The following PRKG1 variants were observed in gnomAD, a reference collection of about 807,000 sequenced individuals.
PRKG1 encodes cGMP-dependent protein kinase 1.
In PRKG1, 35 loss-of-function variants were observed where a neutral mutation model predicts 88.1. The observed-to-expected ratio is 0.40, with a 90% CI of 0.30 to 0.53. The LOEUF (loss-of-function observed/expected upper bound fraction) is 0.53. Ranked by LOEUF, PRKG1 falls within the 20% of genes least tolerant of loss-of-function variation. The pLI, the probability that PRKG1 is intolerant of heterozygous loss-of-function variation, is 0.59. For synonymous variants in PRKG1, 303 were observed against 292.5 expected, an observed-to-expected ratio of 1.04 and a Z score of -0.37; for missense variants, 540 against 839.8, an observed-to-expected ratio of 0.64 and a Z score of 4.41.
intron 3 of PRKG1, among the ~76,000 whole-genome samples, chr10:51,482,204 C>T (rs1477764734): frequency 2.0e-5 from 3 of 152,156 alleles, no homozygotes; most frequent in African/African-American, 7.2e-5. Flanking sequence ...GGACTTTAAA[C>T]TCAAGTATGA....
chr10:52,015,349 A>T (rs1193126721), intron 5 of PRKG1, among the ~76,000 whole-genome samples: 1 of 152,204 alleles, frequency 6.6e-6, no homozygotes, highest in African/African-American at 2.4e-5. Flanking sequence ...TGAGCTGTAA[A>T]TTGGCCCCTT....
At chr10:51,488,539 C>T (rs1428211331) in intron 3 of PRKG1, among the ~76,000 whole-genome samples, 1 of 152,102 alleles carries the variant, frequency 6.6e-6, no homozygotes, top group African/African-American at 2.4e-5. Flanking sequence ...CCGTAGTAGA[C>T]TTTGACATCT....
intron 5 of PRKG1, chr10:51,909,735 C>T (rs891913703): frequency 6.6e-6 from 1 of 152,160 alleles, no homozygotes; most frequent in Non-Finnish European, 1.5e-5. Context: ...GGAGGAAAAT[C>T]AGGAGCTTTT....
chr10:52,293,401 G>T (rs1842308873), intron 17 of PRKG1, among the ~76,000 whole-genome samples: 1 of 151,534 alleles, frequency 6.6e-6, no homozygotes, highest in African/African-American at 2.4e-5. Context: ...CACAGAATTG[G>T]AAAAAACTAC....
chr10:51,638,765 A>G (rs972216406), intron 3 of PRKG1, among the ~76,000 whole-genome samples: 1 of 152,252 alleles, frequency 6.6e-6, no homozygotes, highest in Non-Finnish European at 1.5e-5. Context: ...CAGCTAGTTA[A>G]TTTGAAATAA....
rs1057249274 is a variant in PRKG1, at chr10:52,035,486, G to A, written c.763-18998G>A. ...CATAACCTGCCTTTGCTGGTGTGTG[G>A]TGATTAGGCCTGGTGGAACCGCCAA... is the stretch of plus-strand genomic sequence containing the variant. On this transcript the variant is annotated intron_variant, in intron 5 of 17. Transcript: ENST00000373980. Among the ~76,000 whole-genome samples the A allele has an allele frequency of 2.6e-5, 4 of 152,324 alleles. No homozygotes were observed. The East Asian group carries it at 5.8e-4, about 22-fold the overall frequency.
At chr10:52,091,808 G>C (rs1254004867) in intron 7 of PRKG1, among the ~76,000 whole-genome samples, 1 of 152,174 alleles carries the variant, frequency 6.6e-6, no homozygotes, top group Admixed American at 6.6e-5. Context: ...AGTGGTGATA[G>C]GAAAGTAACG....
chr10:51,267,934 C>T (rs1425916618), intron 2 of PRKG1, among the ~76,000 whole-genome samples: 1 of 152,126 alleles, frequency 6.6e-6, no homozygotes, highest in Non-Finnish European at 1.5e-5. Flanking sequence ...GAAATTCAGC[C>T]AGATATCGGG....
intron 3 of PRKG1, among the ~76,000 whole-genome samples, chr10:51,760,511 A>G (rs1837992275): frequency 6.9e-6 from 1 of 144,818 alleles, no homozygotes; most frequent in South Asian, 2.2e-4. Context: ...TTGCCCTGTC[A>G]CTCAGGCTGG....
rs537819337 is a variant in PRKG1 at position 51,248,019 on chromosome 10, C to T, written c.478+94689C>T. Among the ~76,000 whole-genome samples the T allele has an allele frequency of 7.2e-5, 11 of 151,862 alleles. No individual in the cohort carries two copies. In the South Asian group the frequency reaches 1.5e-3, roughly 20 times the overall value. On this transcript the variant is annotated intron_variant, in intron 2 of 17. Transcript: ENST00000373980. ...CTGTTAACAACAACAATAAAGGTAA[C>T]GGCAAAGTGGTAGGGGAAATGTTAA...
chr10:51,257,648 A>G (rs11816607), intron 2 of PRKG1, among the ~76,000 whole-genome samples: 1,931 of 152,122 alleles, frequency 0.013, 37 homozygotes, highest in African/African-American at 0.043. Flanking sequence ...TGCTTTTCTG[A>G]CACATTCTAC....
At chr10:52,178,552 AT>A (rs1247237703) in intron 9 of PRKG1, among the ~76,000 whole-genome samples, 22 of 148,786 alleles carry the variant, frequency 1.5e-4, no homozygotes, top group Admixed American at 2.0e-4. Flanking sequence ...TTCTTTGTTG[AT>A]TTTTTTTTTG....
At chr10:52,130,368 AC>A (rs1837221706) in intron 7 of PRKG1, among the ~76,000 whole-genome samples, 1 of 152,216 alleles carries the variant, frequency 6.6e-6, no homozygotes, top group African/African-American at 2.4e-5. Context: ...ATTGCATTCA[AC>A]TTTAAAAGTA....
chr10:51,749,332 T>C (rs925957490), intron 3 of PRKG1, among the ~76,000 whole-genome samples: 2 of 152,208 alleles, frequency 1.3e-5, no homozygotes, highest in African/African-American at 4.8e-5. Context: ...GTTCTGAAGC[T>C]GGAAGTCTGA....
intron 2 of PRKG1, among the ~76,000 whole-genome samples, chr10:51,449,345 G>T (rs997933585): frequency 2.6e-5 from 4 of 151,774 alleles, no homozygotes; most frequent in South Asian, 4.2e-4. Context: ...TCTTTGTAAT[G>T]AATAAAATAC....
intron 3 of PRKG1, among the ~76,000 whole-genome samples, chr10:51,781,775 G>C (rs1207820729): frequency 1.3e-5 from 2 of 152,216 alleles, no homozygotes; most frequent in East Asian, 3.9e-4. Flanking sequence ...TTGTCCTTGA[G>C]AAATCCAGAG....
intron 2 of PRKG1, among the ~76,000 whole-genome samples, chr10:51,433,163 G>A (rs930062266): frequency 2.0e-5 from 3 of 152,078 alleles, no homozygotes; most frequent in African/African-American, 7.2e-5. Flanking sequence ...AAATTAGATG[G>A]ATCCCTGGTT....
intron 3 of PRKG1, chr10:51,698,862 TCAG>T: frequency 6.2e-7 from 1 of 1,614,116 alleles, no homozygotes; most frequent in Non-Finnish European, 8.5e-7. Context: ...TTCTGCTGGT[TCAG>T]CAGAACATTA....
chr10:52,251,339 TG>T (rs1841164390), intron 9 of PRKG1, among the ~76,000 whole-genome samples: 1 of 152,134 alleles, frequency 6.6e-6, no homozygotes, highest in Admixed American at 6.6e-5. Flanking sequence ...TGGCATGCAG[TG>T]GGTACTTTGC....
Sources: allele counts gnomAD v4.1 joint callset (sites outside exome capture counted in the v4.1 genomes callset), GRCh38; gene constraint gnomAD v4.1.1; transcripts MANE v1.5; gene names NCBI Gene and HGNC (gene_info 2026-07-23, HGNC 2026-07-21).